GRIN2B: variants seen among roughly 807,000 people sequenced by gnomAD.
GRIN2B encodes the protein glutamate receptor ionotropic, NMDA 2B.
A neutral mutation model predicts 114.5 loss-of-function variants in GRIN2B; 5 were observed. The ratio of observed to expected loss-of-function variants is 0.04; its 90% confidence interval spans 0.02 to 0.09. The LOEUF is 0.09. Among genes scored for constraint, GRIN2B ranks in the 10% least tolerant of loss-of-function variants. The pLI is 1.00. For missense variants in GRIN2B, 1,108 were observed against 1,943.5 expected (o/e 0.57, Z 8.08); for synonymous variants, 787 against 745.1 (o/e 1.06, Z -0.92).
intron 4 of GRIN2B, among the ~76,000 whole-genome samples, chr12:13,691,021 C>T (rs1261104657): frequency 6.6e-6 from 1 of 152,058 alleles, no homozygotes; most frequent in Non-Finnish European, 1.5e-5. Flanking sequence ...TTTTCTAGTA[C>T]TTTTCAATTT....
intron 5 of GRIN2B, among the ~76,000 whole-genome samples, chr12:13,637,807 A>G (rs1212161324): frequency 6.6e-6 from 1 of 152,136 alleles, no homozygotes; most frequent in African/African-American, 2.4e-5. Flanking sequence ...CTACTATTTC[A>G]GCATTCTTCT....
At chr12:13,973,579 G>A (rs1212461757) in intron 2 of GRIN2B, among the ~76,000 whole-genome samples, 1 of 152,072 alleles carries the variant, frequency 6.6e-6, no homozygotes, top group Non-Finnish European at 1.5e-5. Context: ...CCTTCTCAGG[G>A]ACCCTGGGCA....
intron 3 of GRIN2B, among the ~76,000 whole-genome samples, chr12:13,771,713 G>A (rs937078369): frequency 5.3e-5 from 8 of 152,240 alleles, no homozygotes; most frequent in African/African-American, 1.7e-4. Context: ...CATTAAGTGT[G>A]AATCTATTGA....
intron 3 of GRIN2B, among the ~76,000 whole-genome samples, chr12:13,837,802 T>G (rs1035415786): frequency 3.9e-5 from 6 of 152,056 alleles, no homozygotes; most frequent in Non-Finnish European, 7.4e-5. Flanking sequence ...CACATCTACA[T>G]TCAACATGTG....
At chr12:13,763,278 C>G (rs899544674) in intron 3 of GRIN2B, among the ~76,000 whole-genome samples, 1 of 152,180 alleles carries the variant, frequency 6.6e-6, no homozygotes, top group Non-Finnish European at 1.5e-5. Context: ...CTAAAGCTGG[C>G]TGGGCTGCTT....
intron 4 of GRIN2B, among the ~76,000 whole-genome samples, chr12:13,728,132 C>T (rs539270271): frequency 4.6e-5 from 7 of 152,280 alleles, no homozygotes; most frequent in Non-Finnish European, 7.4e-5. Context: ...ATGGTTGGCA[C>T]TCAGGAAATG....
At chr12:13,823,983 A>C (rs1345306151) in intron 3 of GRIN2B, among the ~76,000 whole-genome samples, 1 of 152,192 alleles carries the variant, frequency 6.6e-6, no homozygotes, top group African/African-American at 2.4e-5. Flanking sequence ...ACTGGGATAA[A>C]CACCTCTTAG....
At chr12:13,630,334 A>C (rs1949606085) in intron 5 of GRIN2B, among the ~76,000 whole-genome samples, 1 of 152,226 alleles carries the variant, frequency 6.6e-6, no homozygotes, top group Non-Finnish European at 1.5e-5. Flanking sequence ...TATTATTTTT[A>C]TATCCATTTA....
rs1948393331 is a variant in GRIN2B, at chr12:13,550,279, C to T, written c.*12504G>A. ...GGAGCCTAATGGGTTGCTGGTTATCCTAGAAACTCCACCATTCCCCAAGGA... is the reference window on the plus strand; with the variant it reads ...GGAGCCTAATGGGTTGCTGGTTATCTTAGAAACTCCACCATTCCCCAAGGA... On this transcript the variant is annotated 3_prime_UTR_variant, in exon 14 of 14. Coordinates refer to ENST00000609686, the MANE Select transcript of GRIN2B (RefSeq NM_000834.5). 1 of 152,014 alleles carries T rather than the reference C, an allele frequency of 6.6e-6. No individual in the cohort carries two copies. The highest frequency in any genetic ancestry group is 2.4e-5 in the African/African-American group (1 of 41,382). The allele number at this position is 152,014 out of a possible 1,614,324, so 9.4% of individuals were successfully genotyped here. A position where few individuals can be genotyped will look rare whatever the true frequency, so the allele number is the denominator to read the frequency against.
chr12:13,684,567 C>T (rs2192978), intron 4 of GRIN2B, among the ~76,000 whole-genome samples: 148,345 of 152,300 alleles, frequency 0.97, 72,360 homozygotes, highest in Middle Eastern at 1. Flanking sequence ...TTAGACAATG[C>T]TAGAAAGGTA....
chr12:13,732,023 G>A (rs1453485823), intron 4 of GRIN2B, among the ~76,000 whole-genome samples: 1 of 152,080 alleles, frequency 6.6e-6, no homozygotes, highest in African/African-American at 2.4e-5. Context: ...AACTAACTAG[G>A]CTGTTTCATA....
chr12:13,892,664 A>G lies in GRIN2B; in HGVS notation c.-18-26438T>C, dbSNP rs149504062. ...GCAGAGACTGCCACCTTAGAGAAAG[A>G]CACCTCTCCTTGTAAATACAAAACA... is the stretch of plus-strand genomic sequence containing the variant. On this transcript the variant is annotated intron_variant, in intron 2 of 13. Transcript: ENST00000609686. Among the ~76,000 whole-genome samples, 16 of 152,290 alleles carry G rather than the reference A, an allele frequency of 1.1e-4. No individual in the cohort carries two copies. In the East Asian group the frequency reaches 3.1e-3, roughly 29 times the overall value.
intron 3 of GRIN2B, among the ~76,000 whole-genome samples, chr12:13,837,648 A>G (rs1225447524): frequency 6.6e-6 from 1 of 152,110 alleles, no homozygotes; most frequent in African/African-American, 2.4e-5. Flanking sequence ...AGCAAAACCA[A>G]TTTTGACTTT....
chr12:13,845,610 T>G (rs1865457330), intron 3 of GRIN2B, among the ~76,000 whole-genome samples: 1 of 152,142 alleles, frequency 6.6e-6, no homozygotes, highest in Non-Finnish European at 1.5e-5. Flanking sequence ...CACTTAATCT[T>G]TCTTGGCCTC....
intron 3 of GRIN2B, among the ~76,000 whole-genome samples, chr12:13,804,665 A>T (rs953612025): frequency 6.6e-6 from 1 of 152,004 alleles, no homozygotes; most frequent in African/African-American, 2.4e-5. Context: ...CCTATATAAC[A>T]CTTAGTTTTT....
rs557716127 is a variant in GRIN2B at position 13,591,557 on chromosome 12, T to C, written c.2010+17046A>G. The stretch of plus-strand genomic sequence containing the variant: ...ATCACATAGCTTCTTGTCTTAGTTT[T>C]CTCTACTGCACAGTAGAGGTAGCAT... On this transcript the variant is annotated intron_variant, in intron 10 of 13. Coordinates refer to ENST00000609686, the MANE Select transcript of GRIN2B (RefSeq NM_000834.5). 7.8e-3 allele frequency among the ~76,000 whole-genome samples: 1,192 copies of C among 152,258 alleles called. 20 individuals are homozygous for C. The highest frequency in any genetic ancestry group is 0.027 in the African/African-American group (1,130 of 41,554).
At chr12:13,643,376 T>TA (rs1949737536) in intron 5 of GRIN2B, among the ~76,000 whole-genome samples, 1 of 152,192 alleles carries the variant, frequency 6.6e-6, no homozygotes, top group African/African-American at 2.4e-5. Flanking sequence ...GCATTATGTC[T>TA]AAAATCACAA....
chr12:13,793,099 T>C (rs1864348412), intron 3 of GRIN2B, among the ~76,000 whole-genome samples: 1 of 152,242 alleles, frequency 6.6e-6, no homozygotes, highest in African/African-American at 2.4e-5. Flanking sequence ...CAAGTCTGAA[T>C]GTGCTGGATA....
chr12:13,693,785 A>C (rs1591680349), intron 4 of GRIN2B, among the ~76,000 whole-genome samples: 1 of 152,142 alleles, frequency 6.6e-6, no homozygotes, highest in East Asian at 1.9e-4. Context: ...CTGCCTTGCC[A>C]AGCAGTGGTG....
Sources: allele counts gnomAD v4.1 joint callset (sites outside exome capture counted in the v4.1 genomes callset), GRCh38; gene constraint gnomAD v4.1.1; transcripts MANE v1.5; gene names NCBI Gene and HGNC (gene_info 2026-07-23, HGNC 2026-07-21).